MAGI2: variants seen among roughly 807,000 people sequenced by gnomAD.
MAGI2 encodes the protein membrane-associated guanylate kinase, WW and PDZ domain-containing protein 2.
MAGI2 carries 35 observed loss-of-function variants against 133.3 expected under a neutral mutation model. That is an observed-to-expected ratio of 0.26 (90% confidence interval 0.20 to 0.35). The LOEUF is 0.35. Ranked by LOEUF, MAGI2 falls within the 10% of genes least tolerant of loss-of-function variation. The pLI, the probability that MAGI2 is intolerant of heterozygous loss-of-function variation, is 1.00. For missense variants in MAGI2, 1,636 were observed against 1,863.4 expected (o/e 0.88, Z 2.25); for synonymous variants, 729 against 710.6 (o/e 1.03, Z -0.41).
intron 6 of MAGI2, among the ~76,000 whole-genome samples, chr7:78,409,398 C>A (rs1459488730): frequency 1.3e-5 from 2 of 152,088 alleles, no homozygotes; most frequent in African/African-American, 4.8e-5. Context: ...CCTAAACTCA[C>A]ACAGTAGTGC....
At chr7:78,496,484 C>T (rs1444953066) in intron 5 of MAGI2, among the ~76,000 whole-genome samples, 2 of 152,174 alleles carry the variant, frequency 1.3e-5, no homozygotes, top group Non-Finnish European at 2.9e-5. Context: ...CAGATTAACC[C>T]TGTGGCAGCT....
At chr7:78,656,467 G>A (rs1812287625) in intron 2 of MAGI2, among the ~76,000 whole-genome samples, 1 of 152,086 alleles carries the variant, frequency 6.6e-6, no homozygotes, top group Non-Finnish European at 1.5e-5. Flanking sequence ...GATATCTAGA[G>A]TCTTAAAAAG....
At chr7:78,545,502 G>A (rs530184556) in intron 3 of MAGI2, among the ~76,000 whole-genome samples, 2 of 152,138 alleles carry the variant, frequency 1.3e-5, no homozygotes, top group South Asian at 4.2e-4. Context: ...GTGAGCCACC[G>A]TGCTCAGCCC....
Position 79,453,425 on chromosome 7 carries a change from C to T in MAGI2, c.-105G>A. On this transcript the variant is annotated 5_prime_UTR_variant, in exon 1 of 22. Coordinates refer to ENST00000354212, the MANE Select transcript of MAGI2 (RefSeq NM_012301.4). ...CAAGGGGGCCCAGGGGGAAGAACAG[C>T]AGACTTTGCCTTCGCCCCCCTCTAT... 1 of 1,502,074 alleles carries T rather than the reference C, an allele frequency of 6.7e-7. No individual in the cohort carries two copies. The highest frequency in any genetic ancestry group is 8.8e-7 in the Non-Finnish European group (1 of 1,132,480). 93.0% of individuals were successfully genotyped at this position (1,502,074 alleles called of 1,614,324 possible).
intron 2 of MAGI2, among the ~76,000 whole-genome samples, chr7:79,006,071 C>G (rs1807410631): frequency 6.6e-6 from 1 of 152,086 alleles, no homozygotes. Context: ...GATAACCTTT[C>G]CATCTTGACA....
chr7:79,213,356 T>A (rs1039442797), intron 1 of MAGI2, among the ~76,000 whole-genome samples: 4 of 149,496 alleles, frequency 2.7e-5, no homozygotes, highest in African/African-American at 7.4e-5. Flanking sequence ...ACACATATAT[T>A]TTTTCTTTTT....
At chr7:78,454,433 C>T (rs551714700) in intron 6 of MAGI2, among the ~76,000 whole-genome samples, 1 of 152,248 alleles carries the variant, frequency 6.6e-6, no homozygotes, top group South Asian at 2.1e-4. Flanking sequence ...GCTACAAATG[C>T]TGTGGAGCAA....
intron 1 of MAGI2, among the ~76,000 whole-genome samples, chr7:79,323,203 A>G (rs1467910817): frequency 2.0e-5 from 3 of 152,126 alleles, no homozygotes; most frequent in African/African-American, 2.4e-5. Flanking sequence ...CTGTATACCA[A>G]GTATTGAGGG....
At chr7:78,723,654 A>G (rs903618129) in intron 2 of MAGI2, among the ~76,000 whole-genome samples, 3 of 152,188 alleles carry the variant, frequency 2.0e-5, no homozygotes, top group Admixed American at 1.3e-4. Context: ...CCAGTGGCCT[A>G]GATTGGCTAA....
At position 78,571,758 on chromosome 7, in the gene MAGI2, AATG is replaced by A. The variant is rs376143156; in HGVS notation, c.539-50116_539-50114del. ...GGAAGAAAAATGAGTATGAGAAAGC[AATG>A]ATAATTGTTGATATTAAAATTACAA... On this transcript the variant is annotated intron_variant, in intron 3 of 21. Coordinates refer to ENST00000354212, the MANE Select transcript of MAGI2 (RefSeq NM_012301.4). Among the ~76,000 whole-genome samples, 432 of 152,314 alleles carry A rather than the reference AATG, an allele frequency of 2.8e-3. 2 individuals carry two copies. The highest frequency in any genetic ancestry group is 0.01 in the African/African-American group (420 of 41,574).
At chr7:78,740,699 T>C (rs1053348743) in intron 2 of MAGI2, among the ~76,000 whole-genome samples, 4 of 152,190 alleles carry the variant, frequency 2.6e-5, no homozygotes, top group Admixed American at 1.3e-4. Context: ...ACCAGACTCT[T>C]TTTGCTCAAT....
chr7:78,933,352 G>A (rs893158990), intron 2 of MAGI2, among the ~76,000 whole-genome samples: 5 of 152,114 alleles, frequency 3.3e-5, no homozygotes, highest in South Asian at 4.1e-4. Context: ...TGCTAGAAGC[G>A]GTGAACAGAG....
intron 7 of MAGI2, among the ~76,000 whole-genome samples, chr7:78,366,850 A>G (rs1171667510): frequency 6.6e-6 from 1 of 152,166 alleles, no homozygotes; most frequent in African/African-American, 2.4e-5. Flanking sequence ...ACTCTATAAA[A>G]TCATGTAATG....
At chr7:78,742,832 T>C (rs1465654647) in intron 2 of MAGI2, among the ~76,000 whole-genome samples, 1 of 152,178 alleles carries the variant, frequency 6.6e-6, no homozygotes, top group Non-Finnish European at 1.5e-5. Context: ...GCTTCCACCT[T>C]GCTGGTAAGG....
intron 3 of MAGI2, among the ~76,000 whole-genome samples, chr7:78,593,429 G>A (rs562180919): frequency 1.4e-4 from 22 of 152,252 alleles, no homozygotes; most frequent in African/African-American, 5.3e-4. Context: ...AGTTTGAAAC[G>A]CAGAGTAACA....
chr7:78,353,167 T>C (rs1010968794), intron 7 of MAGI2, among the ~76,000 whole-genome samples: 1 of 152,220 alleles, frequency 6.6e-6, no homozygotes, highest in African/African-American at 2.4e-5. Flanking sequence ...GAATTATAAG[T>C]TCATAGAATA....
chr7:78,941,763 C>G (rs1019881005), intron 2 of MAGI2, among the ~76,000 whole-genome samples: 5 of 151,146 alleles, frequency 3.3e-5, no homozygotes, highest in Non-Finnish European at 7.4e-5. Context: ...CACACACACA[C>G]ACACACACAC....
chr7:78,300,032 T>C (rs562845439), intron 9 of MAGI2, among the ~76,000 whole-genome samples: 1 of 152,274 alleles, frequency 6.6e-6, no homozygotes, highest in Admixed American at 6.5e-5. Flanking sequence ...AAATTACATC[T>C]TGATTTTCAG....
At chr7:78,792,796 C>T (rs1474688260) in intron 2 of MAGI2, among the ~76,000 whole-genome samples, 4 of 152,166 alleles carry the variant, frequency 2.6e-5, no homozygotes, top group Non-Finnish European at 5.9e-5. Flanking sequence ...TACAACCACC[C>T]TGTAGGTCTG....
Sources: gnomAD v4.1 joint callset for allele counts (sites outside exome capture counted in the v4.1 genomes callset) on GRCh38, gnomAD v4.1.1 for gene constraint, MANE v1.5 for transcripts, NCBI Gene and HGNC (gene_info 2026-07-23, HGNC 2026-07-21) for gene names.